ADGB: variants seen among roughly 807,000 people sequenced by gnomAD.
ADGB encodes androglobin, also known as calpain-7-like protein.
A neutral mutation model predicts 210.5 loss-of-function variants in ADGB; 172 were observed. The observed-to-expected ratio is 0.82, with a 90% CI of 0.72 to 0.93. The LOEUF (loss-of-function observed/expected upper bound fraction) is 0.93, where lower values mean the gene tolerates loss of function less well. Ranked by LOEUF, ADGB falls within the 40% of genes least tolerant of loss-of-function variation. The pLI, the probability that ADGB is intolerant of heterozygous loss-of-function variation, is 0.00. For missense variants in ADGB, 2,025 were observed against 1,964.8 expected, an observed-to-expected ratio of 1.03 and a Z score of -0.58; for synonymous variants, 658 against 662.7, an observed-to-expected ratio of 0.99 and a Z score of 0.11.
At chr6:146,749,270 A>G (rs1777286093) in intron 26 of ADGB, among the ~76,000 whole-genome samples, 1 of 152,170 alleles carries the variant, frequency 6.6e-6, no homozygotes, top group Non-Finnish European at 1.5e-5. Context: ...GTCTAGTGAA[A>G]TAGCCAAGTG....
chr6:146,644,898 T>A, intron 3 of ADGB, 33 bp downstream of exon 3: 1 of 1,287,332 alleles, frequency 7.8e-7, no homozygotes, highest in Non-Finnish European at 1.1e-6. Flanking sequence ...ATAAAATACT[T>A]ACTATGTGGA....
In ADGB at chr6:146,716,995, A is replaced by G. The variant is rs1212528883; in HGVS notation, c.1854A>G (p.Glu618=). The part of the protein sequence containing the change: ...QTTATQEKSQ[E]ELPTTNNSVS... Reference sequence around the variant, plus strand: ...CAGCAACACAGGAAAAGTCACAGGAAGAACTTCCAACAACAAATAATAGTG... The same window carrying G: ...CAGCAACACAGGAAAAGTCACAGGAGGAACTTCCAACAACAAATAATAGTG... Residue 618 remains glutamate (E), a synonymous_variant, in exon 15 of 36, where the codon GAA becomes GAG. Transcript: ENST00000397944. The G allele has an allele frequency of 1.3e-6, 2 of 1,551,708 alleles. No individual in the cohort carries two copies. The highest frequency in any genetic ancestry group is 2.0e-5 in the Admixed American group (1 of 51,012).
In ADGB at chr6:146,598,983, C is replaced by T. The variant is rs561667825; in HGVS notation, c.-58C>T. On this transcript the variant is annotated 5_prime_UTR_variant, in exon 1 of 36. Coordinates refer to ENST00000397944, the MANE Select transcript of ADGB (RefSeq NM_024694.4). Reference sequence around the variant, plus strand: ...TCTCCTGGCAACGCAGACGCGGAGCCGAGCGCGCCCGCAGGCTCTTTGCTC... The same window carrying T: ...TCTCCTGGCAACGCAGACGCGGAGCTGAGCGCGCCCGCAGGCTCTTTGCTC... The T allele has an allele frequency of 6.8e-7, 1 of 1,474,998 alleles. No homozygotes were observed. Among genetic ancestry groups the T allele is most frequent in the Admixed American group, 2.0e-5 (1 of 50,518 alleles). The allele number at this position is 1,474,998 out of a possible 1,614,324, so 91.4% of individuals were successfully genotyped here. A position where few individuals can be genotyped will look rare whatever the true frequency, so the allele number is the denominator to read the frequency against.
chr6:146,651,763 G>C (rs1331893102), intron 3 of ADGB, among the ~76,000 whole-genome samples: 2 of 152,092 alleles, frequency 1.3e-5, no homozygotes, highest in African/African-American at 2.4e-5. Flanking sequence ...AAGCAAACAT[G>C]TAATTAGATA....
intron 20 of ADGB, among the ~76,000 whole-genome samples, chr6:146,730,357 A>G (rs770466951): frequency 8.5e-6 from 1 of 117,520 alleles, no homozygotes; most frequent in Non-Finnish European, 1.7e-5. Context: ...GAGATTGCAA[A>G]GACAAAAACA....
rs1776246517 is a variant in ADGB at position 146,687,365 on chromosome 6, T to C, written c.1311+1537T>C. Reference sequence around the variant, plus strand: ...CAGATATGCTAGCGAGTAAATGCTCTAACTCATTGGACTGCTGAAGAATAC... The same window carrying C: ...CAGATATGCTAGCGAGTAAATGCTCCAACTCATTGGACTGCTGAAGAATAC... On this transcript the variant is annotated intron_variant, in intron 10 of 35. Coordinates refer to ENST00000397944, the MANE Select transcript of ADGB (RefSeq NM_024694.4). Among the ~76,000 whole-genome samples, 9 of 152,254 alleles carry C rather than the reference T, an allele frequency of 5.9e-5. No individual in the cohort carries two copies. The South Asian group carries it at 1.7e-3, about 28-fold the overall frequency.
At chr6:146,776,193 T>C (rs531571998) in intron 29 of ADGB, among the ~76,000 whole-genome samples, 1 of 152,264 alleles carries the variant, frequency 6.6e-6, no homozygotes, top group African/African-American at 2.4e-5. Context: ...ATTCCAATGG[T>C]CATTTCCTCT....
At chr6:146,603,167 A>G (rs980361795) in intron 1 of ADGB, among the ~76,000 whole-genome samples, 2 of 152,230 alleles carry the variant, frequency 1.3e-5, no homozygotes, top group Non-Finnish European at 1.5e-5. Flanking sequence ...GGAGACACAG[A>G]TATGCAATCT....
intron 5 of ADGB, among the ~76,000 whole-genome samples, chr6:146,658,107 A>G (rs993559452): frequency 5.9e-5 from 9 of 151,984 alleles, no homozygotes; most frequent in Admixed American, 2.6e-4. Context: ...GCTTCCTGGG[A>G]TGGGGAATGT....
At chr6:146,663,581 A>G (rs761018973) in intron 5 of ADGB, among the ~76,000 whole-genome samples, 5 of 152,080 alleles carry the variant, frequency 3.3e-5, no homozygotes, top group African/African-American at 7.2e-5. Flanking sequence ...TTCTGTATGT[A>G]TACACACATA....
At chr6:146,606,939 C>T (rs1041838268) in intron 1 of ADGB, among the ~76,000 whole-genome samples, 1 of 151,990 alleles carries the variant, frequency 6.6e-6, no homozygotes, top group Non-Finnish European at 1.5e-5. Context: ...CTGTGTAAAA[C>T]GACATTGGTA....
intron 13 of ADGB, among the ~76,000 whole-genome samples, chr6:146,712,683 T>A (rs563027969): frequency 2.6e-5 from 4 of 152,316 alleles, no homozygotes; most frequent in Non-Finnish European, 5.9e-5. Flanking sequence ...ATTTATTCTC[T>A]AATGTACTTG....
chr6:146,812,103 C>T (rs933730994), intron 35 of ADGB, among the ~76,000 whole-genome samples: 5 of 152,176 alleles, frequency 3.3e-5, no homozygotes, highest in African/African-American at 1.2e-4. Flanking sequence ...CTGATCAAAG[C>T]ATACTTCTCT....
chr6:146,752,674 AT>A lies in ADGB; in HGVS notation c.3513del (p.His1172ThrfsTer3), dbSNP rs1562292513. ...GAAAAGGCCAAGCTATAATCCCAGC[AT>A]TTCACTTCTTGAAGAGTGAGAAAGG... is the stretch of plus-strand genomic sequence containing the variant. The part of the protein sequence containing the change: ...TGKGQAIIPA[F>X]HFLKSEKGLS... On this transcript the variant is annotated frameshift_variant, in exon 27 of 36. Transcript: ENST00000397944. LOFTEE classifies it high-confidence loss of function. 1 of 1,550,742 alleles carries A rather than the reference AT, an allele frequency of 6.4e-7. No homozygotes were observed. The highest frequency in any genetic ancestry group is 1.4e-5 in the African/African-American group (1 of 73,088).
In ADGB at chr6:146,676,336, G is replaced by A. The variant is rs1443589486; in HGVS notation, c.1111G>A (p.Gly371Arg). The stretch of plus-strand genomic sequence containing the variant: ...AGAGAAAGCAGATGCAAGAGACATT[G>A]GAAAGAAGAGAAGCAAAGATGGAGA... ...PKEKADARDIGKKRSKDGEKE... is the reference protein window; with the variant it reads ...PKEKADARDIRKKRSKDGEKE... The change falls in exon 9 of 36, where the codon GGA becomes AGA. Residue 371 changes from glycine (G) to arginine (R), a missense_variant. Physicochemically the swap from Gly to Arg is moderately radical, Grantham distance 125. Coordinates refer to ENST00000397944, the MANE Select transcript of ADGB (RefSeq NM_024694.4). 1.9e-6 allele frequency: 3 copies of A among 1,548,228 alleles called. No homozygotes were observed. In the Admixed American group the frequency reaches 5.9e-5, roughly 31 times the overall value.
chr6:146,741,327 C>T (rs1777161212), intron 25 of ADGB, 56 bp downstream of exon 25: 2 of 1,507,232 alleles, frequency 1.3e-6, no homozygotes, highest in Non-Finnish European at 1.8e-6. Flanking sequence ...AAGCTACCAG[C>T]TTGTAGAGGG....
At chr6:146,719,970 C>T (rs1562282699) in intron 16 of ADGB, among the ~76,000 whole-genome samples, 1 of 152,154 alleles carries the variant, frequency 6.6e-6, no homozygotes, top group Non-Finnish European at 1.5e-5. Context: ...TTGTATCAAG[C>T]ATTTCTAGCA....
chr6:146,644,658 C>A (rs1350209672), intron 2 of ADGB, 115 bp from the exon 3 acceptor site: 4 of 567,244 alleles, frequency 7.1e-6, no homozygotes, highest in East Asian at 6.4e-5. Context: ...ACACAAACTG[C>A]TTTGTAAAGG....
chr6:146,677,865 C>T (rs1020200493), intron 9 of ADGB, among the ~76,000 whole-genome samples: 1 of 152,138 alleles, frequency 6.6e-6, no homozygotes, highest in Non-Finnish European at 1.5e-5. Context: ...GGTGAGGGTC[C>T]TTGTGAGAAT....
Sources: allele counts gnomAD v4.1 joint callset (sites outside exome capture counted in the v4.1 genomes callset), GRCh38; gene constraint gnomAD v4.1.1; transcripts MANE v1.5; gene names NCBI Gene and HGNC (gene_info 2026-07-23, HGNC 2026-07-21).